DOCK3: variants seen among roughly 807,000 people sequenced by gnomAD.
DOCK3 encodes the protein dedicator of cytokinesis protein 3.
Under a neutral mutation model 265.6 loss-of-function variants are expected in DOCK3, and 60 were observed. That is an observed-to-expected ratio of 0.23 (90% confidence interval 0.18 to 0.28). The LOEUF (loss-of-function observed/expected upper bound fraction) is 0.28, where lower values mean the gene tolerates loss of function less well. Ranked by LOEUF, DOCK3 falls within the 10% of genes least tolerant of loss-of-function variation. The probability of loss-of-function intolerance (pLI) is 1.00; values close to 1 mark genes in which losing one functional copy is unlikely to be tolerated. For missense variants in DOCK3, 1,981 were observed against 2,594.3 expected, an observed-to-expected ratio of 0.76 and a Z score of 5.14; for synonymous variants, 881 against 938.0, an observed-to-expected ratio of 0.94 and a Z score of 1.11.
chr3:50,950,207 T>G (rs1261024245), intron 5 of DOCK3, among the ~76,000 whole-genome samples: 1 of 152,166 alleles, frequency 6.6e-6, no homozygotes, highest in Admixed American at 6.5e-5. Context: ...TAAGTACCCA[T>G]TTTATATTCT....
At chr3:50,788,793 G>A (rs1217676314) in intron 2 of DOCK3, among the ~76,000 whole-genome samples, 2 of 146,502 alleles carry the variant, frequency 1.4e-5, no homozygotes, top group Admixed American at 6.7e-5. Flanking sequence ...GCGCAGGGAG[G>A]GAGGCAGGGG....
At chr3:50,907,139 G>A (rs1162218298) in intron 4 of DOCK3, among the ~76,000 whole-genome samples, 1 of 152,056 alleles carries the variant, frequency 6.6e-6, no homozygotes. Flanking sequence ...TATAATTTCT[G>A]TTGTTTTACA....
At chr3:51,303,469 A>G (rs573372914) in intron 27 of DOCK3, among the ~76,000 whole-genome samples, 145 of 152,256 alleles carry the variant, frequency 9.5e-4, no homozygotes, top group Non-Finnish European at 1.5e-3. Flanking sequence ...AGGTATTGCA[A>G]TCATTTGGAG....
At position 50,871,975 on chromosome 3, in the gene DOCK3, C is replaced by T. The variant is rs374568806; in HGVS notation, c.163-18051C>T. On this transcript the variant is annotated intron_variant, in intron 3 of 52. Transcript: ENST00000266037. ...TGAATTTCTTTGAGTTTACTAAAAA[C>T]AGCTATTTTGAGTTCTCTGTCTGAA... 7.6e-4 allele frequency among the ~76,000 whole-genome samples: 115 copies of T among 152,314 alleles called. 4 individuals are homozygous for T. The South Asian group carries it at 0.022, about 29-fold the overall frequency.
At chr3:51,155,106 A>T (rs950558316) in intron 10 of DOCK3, among the ~76,000 whole-genome samples, 2 of 151,770 alleles carry the variant, frequency 1.3e-5, no homozygotes, top group African/African-American at 4.8e-5. Flanking sequence ...CGGTCTCCTG[A>T]GTAGTGGGGC....
At chr3:50,910,210 C>G (rs1167986846) in intron 4 of DOCK3, among the ~76,000 whole-genome samples, 1 of 152,108 alleles carries the variant, frequency 6.6e-6, no homozygotes, top group Admixed American at 6.5e-5. Context: ...CCTCCTGAAG[C>G]CTGCTCCTGT....
intron 3 of DOCK3, among the ~76,000 whole-genome samples, chr3:50,848,462 G>A (rs933962158): frequency 2.0e-5 from 3 of 152,138 alleles, no homozygotes; most frequent in Non-Finnish European, 2.9e-5. Flanking sequence ...AACTCTTAAG[G>A]ATCTCCTGTA....
intron 5 of DOCK3, among the ~76,000 whole-genome samples, chr3:51,057,973 T>TA (rs1296506916): frequency 6.6e-6 from 1 of 152,222 alleles, no homozygotes; most frequent in Middle Eastern, 3.2e-3. Flanking sequence ...CTTAGTGGCT[T>TA]AAAATAACTA....
intron 42 of DOCK3, 53 bp downstream of exon 42, chr3:51,356,308 T>C: frequency 1.2e-6 from 2 of 1,612,230 alleles, no homozygotes; most frequent in Non-Finnish European, 1.7e-6. Flanking sequence ...AGGGGCAAGC[T>C]CAACTTCCTT....
intron 52 of DOCK3, among the ~76,000 whole-genome samples, chr3:51,380,488 C>G (rs2088538215): frequency 6.6e-6 from 1 of 152,214 alleles, no homozygotes; most frequent in Non-Finnish European, 1.5e-5. Flanking sequence ...CCTGGGGGCT[C>G]TCAGCCAGCA....
intron 5 of DOCK3, among the ~76,000 whole-genome samples, chr3:50,948,344 C>T (rs912774666): frequency 2.7e-5 from 4 of 150,404 alleles, no homozygotes; most frequent in African/African-American, 4.9e-5. Context: ...CGTGAGCCAC[C>T]GCGCCTGGCC....
intron 1 of DOCK3, among the ~76,000 whole-genome samples, chr3:50,765,614 A>G (rs1192258476): frequency 1.3e-5 from 2 of 152,092 alleles, no homozygotes; most frequent in Non-Finnish European, 2.9e-5. Context: ...TAAAAAAATT[A>G]ATTTTTAAAG....
chr3:50,812,978 A>G (rs2043855556), intron 2 of DOCK3, among the ~76,000 whole-genome samples: 1 of 152,194 alleles, frequency 6.6e-6, no homozygotes, highest in Non-Finnish European at 1.5e-5. Flanking sequence ...ATTTGTTTCA[A>G]TTTTATGTGT....
chr3:51,373,571 G>A (rs973538217), intron 49 of DOCK3, among the ~76,000 whole-genome samples: 4 of 152,162 alleles, frequency 2.6e-5, no homozygotes, highest in African/African-American at 9.7e-5. Flanking sequence ...AAGGACCATG[G>A]GTTGACAAGT....
intron 2 of DOCK3, among the ~76,000 whole-genome samples, chr3:50,838,027 C>T (rs2045611938): frequency 6.6e-6 from 1 of 152,122 alleles, no homozygotes; most frequent in African/African-American, 2.4e-5. Context: ...AACTAAGGCT[C>T]AAAAAGTTAA....
chr3:50,892,881 TGTGA>T lies in DOCK3; in HGVS notation c.218+2803_218+2806del, dbSNP rs141756778. Reference sequence around the variant, plus strand: ...GGAGGGTTGGGAGAAGATGCATATCTGTGAGTCTTCTCCCTCAGAAGGGAAAGGA... The same window carrying T: ...GGAGGGTTGGGAGAAGATGCATATCTGTCTTCTCCCTCAGAAGGGAAAGGA... On this transcript the variant is annotated intron_variant, in intron 4 of 52. Transcript: ENST00000266037. Among the ~76,000 whole-genome samples the T allele has an allele frequency of 2.7e-3, 415 of 152,198 alleles. 1 individual carries two copies. The highest frequency in any genetic ancestry group is 9.4e-3 in the African/African-American group (390 of 41,546).
intron 9 of DOCK3, among the ~76,000 whole-genome samples, chr3:51,122,052 A>G (rs568320033): frequency 6.6e-6 from 1 of 152,286 alleles, no homozygotes; most frequent in East Asian, 1.9e-4. Flanking sequence ...CCAAAAAACA[A>G]CAGGCAAGTT....
At chr3:51,316,479 C>T (rs1170626192) in intron 32 of DOCK3, among the ~76,000 whole-genome samples, 2 of 152,142 alleles carry the variant, frequency 1.3e-5, no homozygotes, top group Non-Finnish European at 1.5e-5. Context: ...TGAGTGAATA[C>T]TTAGGAATAG....
rs1006187669 is a variant in DOCK3 at position 51,228,621 on chromosome 3, A to G, written c.1648-40A>G. On this transcript the variant is annotated intron_variant, in intron 17 of 52. Coordinates refer to ENST00000266037, the MANE Select transcript of DOCK3 (RefSeq NM_004947.5). ...CTAGGACCTGGTTTTTGCATGTTGC[A>G]TGGCTCAGGGGACATTTTTTTCTCC... The G allele has an allele frequency of 7.6e-6, 12 of 1,576,788 alleles. No individual in the cohort carries two copies. The African/African-American group carries it at 9.6e-5, about 13-fold the overall frequency.
Sources: allele counts gnomAD v4.1 joint callset (sites outside exome capture counted in the v4.1 genomes callset), GRCh38; gene constraint gnomAD v4.1.1; transcripts MANE v1.5; gene names NCBI Gene and HGNC (gene_info 2026-07-23, HGNC 2026-07-21).